The following LHFPL4 variants were observed in gnomAD, a reference collection of about 807,000 sequenced individuals.
LHFPL4 encodes the protein LHFPL tetraspan subfamily member 4 protein.
Under a neutral mutation model 20.0 loss-of-function variants are expected in LHFPL4, and 6 were observed. That is an observed-to-expected ratio of 0.30 (90% CI 0.16 to 0.59). LHFPL4 has a LOEUF of 0.59. Ranked by LOEUF, LHFPL4 falls within the 20% of genes least tolerant of loss-of-function variation. The probability of loss-of-function intolerance (pLI) is 0.88; values close to 1 mark genes in which losing one functional copy is unlikely to be tolerated. For synonymous variants in LHFPL4, 129 were observed against 143.8 expected (o/e 0.90, Z 0.74); for missense variants, 215 against 331.2 (o/e 0.65, Z 2.72).
chr3:9,552,500 G>A lies in LHFPL4; in HGVS notation c.180C>T (p.Gly60=). Residue 60 remains glycine, a synonymous_variant, in exon 2 of 4, where the codon GGC becomes GGT. Coordinates refer to ENST00000287585, the MANE Select transcript of LHFPL4 (RefSeq NM_198560.3). ...CGCTGCCCACGCAGTAGTGGAAGAGGCCGAAGTAGCCAGGCTTGGGGGTGC... is the reference window on the plus strand; with the variant it reads ...CGCTGCCCACGCAGTAGTGGAAGAGACCGAAGTAGCCAGGCTTGGGGGTGC... The part of the protein sequence containing the change: ...SVSTPKPGYF[G]LFHYCVGSGL... 6.2e-7 allele frequency: 1 copy of A among 1,613,676 alleles called. No homozygotes were observed. Among genetic ancestry groups the A allele is most frequent in the Non-Finnish European group, 8.5e-7 (1 of 1,179,924 alleles).
intron 2 of LHFPL4, among the ~76,000 whole-genome samples, chr3:9,550,257 A>G (rs949866041): frequency 6.6e-6 from 1 of 152,154 alleles, no homozygotes; most frequent in Non-Finnish European, 1.5e-5. Flanking sequence ...GAACTCAGAA[A>G]TCTCTGAACA....
intron 2 of LHFPL4, among the ~76,000 whole-genome samples, chr3:9,518,139 CT>C (rs1033162483): frequency 2.0e-5 from 3 of 152,100 alleles, no homozygotes; most frequent in Admixed American, 2.0e-4. Flanking sequence ...TCAACAAATG[CT>C]TTTCTTCTGT....
chr3:9,552,515 C>T lies in LHFPL4; in HGVS notation c.165G>A (p.Lys55=), dbSNP rs1468717198. 4.3e-6 allele frequency: 7 copies of T among 1,613,850 alleles called. No individual in the cohort carries two copies. In the East Asian group the frequency reaches 1.1e-4, roughly 26 times the overall value. Residue 55 remains lysine (K), a synonymous_variant, in exon 2 of 4, where the codon AAG becomes AAA. Transcript: ENST00000287585. ...YWVGDSVSTP[K]PGYFGLFHYC... is the part of the protein sequence containing the mutation. ...AGTGGAAGAGGCCGAAGTAGCCAGGCTTGGGGGTGCTCACGCTGTCGCCCA... is the reference window on the plus strand; with the variant it reads ...AGTGGAAGAGGCCGAAGTAGCCAGGTTTGGGGGTGCTCACGCTGTCGCCCA...
At chr3:9,536,822 G>C (rs1383095966) in intron 2 of LHFPL4, among the ~76,000 whole-genome samples, 1 of 151,980 alleles carries the variant, frequency 6.6e-6, no homozygotes, top group Non-Finnish European at 1.5e-5. Context: ...AGGAGGCTGA[G>C]GCAGGAGAAT....
chr3:9,523,400 A>AAAAAAG (rs1256851629), intron 2 of LHFPL4, among the ~76,000 whole-genome samples: 2 of 112,318 alleles, frequency 1.8e-5, no homozygotes, highest in Non-Finnish European at 2.1e-5. Flanking sequence ...AAAAGAAAAA[A>AAAAAAG]AAAAAGAAAA....
At chr3:9,513,947 A>G (rs893797133) in intron 2 of LHFPL4, among the ~76,000 whole-genome samples, 2 of 152,138 alleles carry the variant, frequency 1.3e-5, no homozygotes, top group African/African-American at 2.4e-5. Context: ...TCCTATGGCT[A>G]TATCCTTGAT....
intron 2 of LHFPL4, among the ~76,000 whole-genome samples, chr3:9,544,121 G>T (rs1227347397): frequency 6.6e-6 from 1 of 152,058 alleles, no homozygotes; most frequent in East Asian, 1.9e-4. Context: ...CTTGGAAAGG[G>T]TACTCAAGAA....
chr3:9,506,219 C>T lies in LHFPL4; in HGVS notation c.407-16G>A, dbSNP rs950191148. The T allele has an allele frequency of 4.4e-6, 7 of 1,590,114 alleles. No homozygotes were observed. In the Admixed American group the frequency reaches 1.2e-4, roughly 27 times the overall value. On this transcript the variant is annotated splice_polypyrimidine_tract_variant and intron_variant, in intron 2 of 3. Coordinates refer to ENST00000287585, the MANE Select transcript of LHFPL4 (RefSeq NM_198560.3). This position sits in a 1 kb window ranked among gnomAD's most constrained non-coding sequence, Gnocchi z 4.5. ...AGGCACAGAGCTGAGGGGCAGAGCA[C>T]CGGGCCCACCACCACGGTCAGGAAG...
chr3:9,538,099 A>G (rs1422443024), intron 2 of LHFPL4, among the ~76,000 whole-genome samples: 1 of 151,880 alleles, frequency 6.6e-6, no homozygotes, highest in Non-Finnish European at 1.5e-5. Flanking sequence ...AAACCAACAC[A>G]CCCATTGGTC....
At chr3:9,533,904 T>C (rs1004949519) in intron 2 of LHFPL4, among the ~76,000 whole-genome samples, 1 of 151,768 alleles carries the variant, frequency 6.6e-6, no homozygotes, top group Non-Finnish European at 1.5e-5. Flanking sequence ...TGTAGATTTA[T>C]GACTTTAAAA....
At chr3:9,552,156 G>T in intron 2 of LHFPL4, 118 bp downstream of exon 2, 1 of 1,347,600 alleles carries the variant, frequency 7.4e-7, no homozygotes, top group Non-Finnish European at 1.0e-6. Context: ...AGCCAAAGAG[G>T]TGAGTGTCTT....
intron 2 of LHFPL4, among the ~76,000 whole-genome samples, chr3:9,542,716 A>G (rs2542342): frequency 0.96 from 144,908 of 151,430 alleles, 69,372 homozygotes; most frequent in Middle Eastern, 0.99. Flanking sequence ...GGCTGAGATG[A>G]AAGGATCGCT....
chr3:9,531,351 A>G (rs1208741047), intron 2 of LHFPL4, among the ~76,000 whole-genome samples: 1 of 152,230 alleles, frequency 6.6e-6, no homozygotes, highest in Non-Finnish European at 1.5e-5. Flanking sequence ...TCTGTAAAGC[A>G]CAATAAAGCA....
chr3:9,542,178 TG>T (rs2046481046), intron 2 of LHFPL4, among the ~76,000 whole-genome samples: 1 of 151,822 alleles, frequency 6.6e-6, no homozygotes, highest in Admixed American at 6.6e-5. Context: ...CCCAGCTACT[TG>T]GGAGGCTGAG....
chr3:9,528,909 C>T (rs2046391840), intron 2 of LHFPL4, among the ~76,000 whole-genome samples: 4 of 148,552 alleles, frequency 2.7e-5, no homozygotes, highest in Admixed American at 2.0e-4. Flanking sequence ...GCCACTGCAC[C>T]CAGCCCCCCA....
chr3:9,510,530 C>T (rs1574838719), intron 2 of LHFPL4, among the ~76,000 whole-genome samples: 1 of 151,868 alleles, frequency 6.6e-6, no homozygotes, highest in Non-Finnish European at 1.5e-5. Context: ...ATATCTCTAT[C>T]CAGCTACCCC....
intron 3 of LHFPL4, among the ~76,000 whole-genome samples, chr3:9,504,463 C>T (rs1018320488): frequency 6.6e-6 from 1 of 152,034 alleles, no homozygotes; most frequent in South Asian, 2.1e-4. Flanking sequence ...ACTTCCTCCC[C>T]TTCCATCATA....
intron 2 of LHFPL4, among the ~76,000 whole-genome samples, chr3:9,525,503 G>A (rs2046367796): frequency 6.6e-6 from 1 of 152,192 alleles, no homozygotes; most frequent in African/African-American, 2.4e-5. Flanking sequence ...TAGCAAGAGT[G>A]TTTATTTTTC....
In LHFPL4 at chr3:9,504,824, C is replaced by CAA. The variant is rs35221511; in HGVS notation, c.643+1141_643+1142dup. On this transcript the variant is annotated intron_variant, in intron 3 of 3. Transcript: ENST00000287585. ...TGGGTGACTGAGTGAGACTCCATCT[C>CAA]AAAAAAAAAAAAATACTGCCACAAA... is the stretch of plus-strand genomic sequence containing the variant. Among the ~76,000 whole-genome samples the CAA allele has an allele frequency of 1.0e-3, 147 of 144,998 alleles. 1 individual carries two copies. Among genetic ancestry groups the CAA allele is most frequent in the Middle Eastern group, 3.5e-3 (1 of 282 alleles).
Sources: gnomAD v4.1 joint callset for allele counts (sites outside exome capture counted in the v4.1 genomes callset) on GRCh38, gnomAD v4.1.1 for gene constraint, Gnocchi (gnomAD v3.1) non-coding constraint, MANE v1.5 for transcripts, NCBI Gene and HGNC (gene_info 2026-07-23, HGNC 2026-07-21) for gene names.